UBE2D1: variants seen among roughly 807,000 people sequenced by gnomAD.
The protein encoded by UBE2D1 is ubiquitin-conjugating enzyme E2 D1.
UBE2D1 carries 9 observed loss-of-function variants against 24.6 expected under a neutral mutation model. The ratio of observed to expected loss-of-function variants is 0.37; its 90% CI spans 0.22 to 0.64. The LOEUF (loss-of-function observed/expected upper bound fraction) is 0.64. Ranked by LOEUF, UBE2D1 falls within the 30% of genes least tolerant of loss-of-function variation. The probability of loss-of-function intolerance (pLI) is 0.64; values close to 1 mark genes in which losing one functional copy is unlikely to be tolerated. For synonymous variants in UBE2D1, 57 were observed against 57.6 expected (o/e 0.99, Z 0.04); for missense variants, 87 against 177.1 (o/e 0.49, Z 2.89).
At chr10:58,362,503 T>C (rs1840210702) in intron 3 of UBE2D1, among the ~76,000 whole-genome samples, 1 of 152,184 alleles carries the variant, frequency 6.6e-6, no homozygotes, top group African/African-American at 2.4e-5. Flanking sequence ...AATTAGTTAC[T>C]AAGAACCTTC....
At position 58,335,250 on chromosome 10, in the gene UBE2D1, G is replaced by T. The variant is rs745336719; in HGVS notation, c.24+25G>T. 2.1e-4 allele frequency: 325 copies of T among 1,521,702 alleles called. 1 individual carries two copies. Among genetic ancestry groups the T allele is most frequent in the Non-Finnish European group, 2.8e-4 (316 of 1,137,136 alleles). The allele number at this position is 1,521,702 out of a possible 1,614,324, so 94.3% of individuals were successfully genotyped here. ...AGTGAGTGCCGGGGCCGGGCCTGGG[G>T]CTGCGGGGCAGCGGCCCCCTGCCCA... On this transcript the variant is annotated intron_variant, in intron 1 of 6. Coordinates refer to ENST00000373910, the MANE Select transcript of UBE2D1 (RefSeq NM_003338.5).
At chr10:58,364,530 A>G in intron 4 of UBE2D1, 1 of 417,824 alleles carries the variant, frequency 2.4e-6, no homozygotes, top group Non-Finnish European at 4.3e-6. Flanking sequence ...TACACTGTCC[A>G]AAATACTCTT....
chr10:58,354,939 A>G (rs1823953286), intron 1 of UBE2D1, among the ~76,000 whole-genome samples: 1 of 152,232 alleles, frequency 6.6e-6, no homozygotes, highest in Non-Finnish European at 1.5e-5. Flanking sequence ...TTTTTTTGTG[A>G]AAAATAACTA....
chr10:58,353,054 C>A (rs749958370), intron 1 of UBE2D1, among the ~76,000 whole-genome samples: 1 of 152,152 alleles, frequency 6.6e-6, no homozygotes, highest in Non-Finnish European at 1.5e-5. Context: ...TTTGCTATAA[C>A]TTTTAAGCTA....
chr10:58,358,921 T>C (rs10826172), intron 1 of UBE2D1, among the ~76,000 whole-genome samples: 68,312 of 150,660 alleles, frequency 0.45, 15,827 homozygotes, highest in African/African-American at 0.56. Context: ...TCAGCCTGCT[T>C]GGTCCGTTAT....
chr10:58,358,249 T>A (rs930321512), intron 1 of UBE2D1, among the ~76,000 whole-genome samples: 6 of 152,198 alleles, frequency 3.9e-5, no homozygotes, highest in African/African-American at 1.4e-4. Context: ...TTTTTAAAAC[T>A]ACAGAGACTA....
chr10:58,360,263 T>A (rs1840180671), intron 1 of UBE2D1, among the ~76,000 whole-genome samples: 1 of 152,190 alleles, frequency 6.6e-6, no homozygotes, highest in African/African-American at 2.4e-5. Context: ...AGATGATTAT[T>A]GATCTTCCAA....
At chr10:58,352,419 A>G (rs1044308545) in intron 1 of UBE2D1, among the ~76,000 whole-genome samples, 3 of 152,044 alleles carry the variant, frequency 2.0e-5, no homozygotes, top group Admixed American at 1.3e-4. Flanking sequence ...GCAAGATGGC[A>G]GCAGCCCTGA....
At chr10:58,356,278 TTTTA>T (rs1455876039) in intron 1 of UBE2D1, among the ~76,000 whole-genome samples, 6 of 152,088 alleles carry the variant, frequency 3.9e-5, no homozygotes, top group South Asian at 2.1e-4. Context: ...TTGTGTATCC[TTTTA>T]TTTATTTATT....
At chr10:58,364,615 C>T (rs1182280296) in intron 4 of UBE2D1, 156 bp from the exon 5 acceptor site, 2 of 600,898 alleles carry the variant, frequency 3.3e-6, no homozygotes, top group African/African-American at 3.7e-5. Context: ...CTGTGTGTAG[C>T]ACAAAGTAGA....
Position 58,363,647 on chromosome 10 carries a change from T to C in UBE2D1, c.159T>C (p.Thr53=), listed in dbSNP as rs1840224349. ...ATCAAGGTGGAGTCTTCTTTCTCAC[T>C]GTACATTTTCCGACAGATTATCCTT... ...SAYQGGVFFL[T]VHFPTDYPFK... is the part of the protein sequence containing the mutation. The change falls in exon 4 of 7, where the codon ACT becomes ACC. Residue 53 remains threonine, a synonymous_variant. Coordinates refer to ENST00000373910, the MANE Select transcript of UBE2D1 (RefSeq NM_003338.5). The C allele has an allele frequency of 1.2e-6, 2 of 1,612,438 alleles. No individual in the cohort carries two copies. Among genetic ancestry groups the C allele is most frequent in the Non-Finnish European group, 1.7e-6 (2 of 1,179,368 alleles).
intron 1 of UBE2D1, among the ~76,000 whole-genome samples, chr10:58,335,603 C>T (rs940090996): frequency 6.6e-6 from 1 of 152,388 alleles, no homozygotes; most frequent in East Asian, 1.9e-4. Context: ...TTTCTCCAGG[C>T]TGTTTCTTAA....
intron 1 of UBE2D1, among the ~76,000 whole-genome samples, chr10:58,347,939 G>A (rs188109575): frequency 3.7e-4 from 56 of 152,268 alleles, no homozygotes; most frequent in Admixed American, 9.8e-4. Context: ...ATGAACCACC[G>A]TTCCCGGCCC....
intron 3 of UBE2D1, among the ~76,000 whole-genome samples, chr10:58,362,323 C>T (rs1182803759): frequency 1.3e-5 from 2 of 152,208 alleles, no homozygotes; most frequent in Non-Finnish European, 2.9e-5. Context: ...TTTAATCATA[C>T]GACCTTGTGT....
At chr10:58,338,678 A>G (rs536518392) in intron 1 of UBE2D1, among the ~76,000 whole-genome samples, 1 of 152,334 alleles carries the variant, frequency 6.6e-6, no homozygotes, top group South Asian at 2.1e-4. Flanking sequence ...GGCAAAAAAA[A>G]GGAAATCCTA....
chr10:58,359,161 C>T (rs2132328339), intron 1 of UBE2D1, among the ~76,000 whole-genome samples: 1 of 152,226 alleles, frequency 6.6e-6, no homozygotes, highest in African/African-American at 2.4e-5. Flanking sequence ...TTCCCTGTCA[C>T]ACCCTCCTTC....
intron 1 of UBE2D1, among the ~76,000 whole-genome samples, chr10:58,335,806 C>G (rs936768366): frequency 6.6e-6 from 1 of 152,202 alleles, no homozygotes; most frequent in Non-Finnish European, 1.5e-5. Flanking sequence ...GCTCCTGCCC[C>G]TTCTATTTTG....
Position 58,364,811 on chromosome 10 carries a change from G to A in UBE2D1, c.239G>A (p.Ser80Asn), listed in dbSNP as rs1840237838. The A allele has an allele frequency of 6.2e-7, 1 of 1,613,536 alleles. No homozygotes were observed. The highest frequency in any genetic ancestry group is 8.5e-7 in the Non-Finnish European group (1 of 1,179,824). Reference sequence around the variant, plus strand: ...AAAATTTACCATCCAAACATAAACAGTAATGGAAGTATTTGTCTCGATATT... The same window carrying A: ...AAAATTTACCATCCAAACATAAACAATAATGGAAGTATTTGTCTCGATATT... ...TTKIYHPNIN[S>N]NGSICLDILR... The change falls in exon 5 of 7, where the codon AGT (serine) becomes AAT (asparagine). Residue 80 changes from serine to asparagine, a missense_variant. Ser to Asn is a conservative substitution (Grantham distance 46, BLOSUM62 1). Coordinates refer to ENST00000373910, the MANE Select transcript of UBE2D1 (RefSeq NM_003338.5).
intron 6 of UBE2D1, chr10:58,368,363 A>G: frequency 3.9e-6 from 1 of 255,432 alleles, no homozygotes; most frequent in Non-Finnish European, 7.5e-6. Flanking sequence ...ACCCATCCAA[A>G]CTGACCTAAT....
Sources: gnomAD v4.1 joint callset for allele counts (sites outside exome capture counted in the v4.1 genomes callset) on GRCh38, gnomAD v4.1.1 for gene constraint, MANE v1.5 for transcripts, NCBI Gene and HGNC (gene_info 2026-07-23, HGNC 2026-07-21) for gene names.